SH2D4B: variants seen among roughly 807,000 people sequenced by gnomAD.
SH2D4B encodes SH2 domain-containing protein 4B.
In SH2D4B, 45 loss-of-function variants were observed where a neutral mutation model predicts 61.5. The ratio of observed to expected loss-of-function variants is 0.73; its 90% CI spans 0.58 to 0.94. The LOEUF (loss-of-function observed/expected upper bound fraction) is 0.94. SH2D4B is among the 40% of genes least tolerant of loss of function. SH2D4B has a pLI of 0.00. For missense variants in SH2D4B, 572 were observed against 574.2 expected, an observed-to-expected ratio of 1.00 and a Z score of 0.04; for synonymous variants, 224 against 220.4, an observed-to-expected ratio of 1.02 and a Z score of -0.14.
rs150910906 is a variant in SH2D4B at position 80,586,724 on chromosome 10, C to T, written c.496-1906C>T. On this transcript the variant is annotated intron_variant, in intron 3 of 7. Transcript: ENST00000646907. ...GCCCCGAGCCAGCAGTGGCAACGGG[C>T]TGGGATCCCCTTGCCGCTGTGGAAG... is the stretch of plus-strand genomic sequence containing the variant. Among the ~76,000 whole-genome samples, 304 of 152,306 alleles carry T rather than the reference C, an allele frequency of 2.0e-3. 2 individuals are homozygous for T. The highest frequency in any genetic ancestry group is 6.6e-3 in the African/African-American group (275 of 41,566).
At chr10:80,552,024 T>A (rs1445162560) in intron 1 of SH2D4B, among the ~76,000 whole-genome samples, 1 of 152,172 alleles carries the variant, frequency 6.6e-6, no homozygotes, top group Non-Finnish European at 1.5e-5. Flanking sequence ...TGGCCTCTTC[T>A]TATAAAGGCA....
At chr10:80,574,547 TCCACAGCCTGTGGTTGAGACA>T (rs376839178) in intron 3 of SH2D4B, among the ~76,000 whole-genome samples, 161 of 152,348 alleles carry the variant, frequency 1.1e-3, no homozygotes, top group African/African-American at 3.7e-3. Context: ...TATATTTGGA[TCCACAGCCTGTGGTTGAGACA>T]CTCAGTGAAC....
Position 80,626,126 on chromosome 10 carries a change from G to A in SH2D4B, c.989-8159G>A, listed in dbSNP as rs567053306. Among the ~76,000 whole-genome samples, 56 of 151,536 alleles carry A rather than the reference G, an allele frequency of 3.7e-4. 2 individuals carry two copies. The South Asian group carries it at 0.01, about 28-fold the overall frequency. ...AGTATCTGTGCTCATCATTTGTTCC[G>A]GTATCTCTGATTTTCTATCCAGGAT... On this transcript the variant is annotated intron_variant, in intron 6 of 7. Coordinates refer to ENST00000646907, the MANE Select transcript of SH2D4B (RefSeq NM_001388272.1).
At chr10:80,578,422 G>GGA (rs1334824614) in intron 3 of SH2D4B, among the ~76,000 whole-genome samples, 9 of 151,954 alleles carry the variant, frequency 5.9e-5, no homozygotes, top group Non-Finnish European at 1.3e-4. Context: ...GGGTGCCAGG[G>GGA]GAGAGAGAGA....
At chr10:80,618,862 A>C (rs1412698534) in intron 6 of SH2D4B, among the ~76,000 whole-genome samples, 1 of 152,154 alleles carries the variant, frequency 6.6e-6, no homozygotes, top group East Asian at 1.9e-4. Flanking sequence ...TAATAATTTC[A>C]GGGAACGGAA....
chr10:80,584,880 A>C lies in SH2D4B; in HGVS notation c.496-3750A>C, dbSNP rs530366636. ...ATCTAGATTGATAACTTGATAAATC[A>C]AGGATTAGCAGCATTAATCAGACAC... On this transcript the variant is annotated intron_variant, in intron 3 of 7. Coordinates refer to ENST00000646907, the MANE Select transcript of SH2D4B (RefSeq NM_001388272.1). Among the ~76,000 whole-genome samples, 3 of 152,362 alleles carry C rather than the reference A, an allele frequency of 2.0e-5. No individual in the cohort carries two copies. The South Asian group carries it at 6.2e-4, about 32-fold the overall frequency.
At chr10:80,588,026 C>T (rs1842280534) in intron 3 of SH2D4B, among the ~76,000 whole-genome samples, 1 of 152,162 alleles carries the variant, frequency 6.6e-6, no homozygotes, top group Non-Finnish European at 1.5e-5. Flanking sequence ...GCACGATCAC[C>T]ACCACTTTAT....
intron 6 of SH2D4B, among the ~76,000 whole-genome samples, chr10:80,631,032 G>A (rs919069206): frequency 6.6e-6 from 1 of 152,218 alleles, no homozygotes; most frequent in Non-Finnish European, 1.5e-5. Context: ...AAAATAACGT[G>A]TTGGCAAGTG....
At position 80,609,444 on chromosome 10, in the gene SH2D4B, T is replaced by G; in HGVS notation, c.881T>G (p.Leu294Arg). 6.2e-7 allele frequency: 1 copy of G among 1,614,056 alleles called. No individual in the cohort carries two copies. The highest frequency in any genetic ancestry group is 8.5e-7 in the Non-Finnish European group (1 of 1,179,958). ...LPVSRTWERP[L>R]RPVSRDVIVR... ...TTCAGCAGGACCTGGGAGCGCCCGC[T>G]GCGCCCAGTCTCCAGAGATGTCATC... Residue 294 changes from leucine to arginine, a missense_variant, in exon 6 of 8, where the codon CTG becomes CGG. Physicochemically the swap from Leu to Arg is moderately radical, Grantham distance 102. Coordinates refer to ENST00000646907, the MANE Select transcript of SH2D4B (RefSeq NM_001388272.1).
At chr10:80,559,985 CTT>C (rs144516423) in intron 1 of SH2D4B, among the ~76,000 whole-genome samples, 62 of 124,548 alleles carry the variant, frequency 5.0e-4, no homozygotes, top group African/African-American at 1.7e-3. Context: ...TAAAATACAC[CTT>C]TTTTTTTTTT....
chr10:80,590,207 T>A (rs1478180571), intron 4 of SH2D4B, among the ~76,000 whole-genome samples: 1 of 152,068 alleles, frequency 6.6e-6, no homozygotes, highest in Non-Finnish European at 1.5e-5. Context: ...GATTGGCCAG[T>A]GTAAATAACT....
At chr10:80,616,286 A>AT (rs1842659307) in intron 6 of SH2D4B, among the ~76,000 whole-genome samples, 1 of 152,180 alleles carries the variant, frequency 6.6e-6, no homozygotes, top group Admixed American at 6.5e-5. Flanking sequence ...TGGAATGGAA[A>AT]TTTTCTACCA....
At chr10:80,552,536 G>A (rs1193311282) in intron 1 of SH2D4B, among the ~76,000 whole-genome samples, 1 of 152,156 alleles carries the variant, frequency 6.6e-6, no homozygotes, top group African/African-American at 2.4e-5. Flanking sequence ...CCAGCCTGGA[G>A]GACAGCAGGG....
At chr10:80,635,280 T>A (rs1283538796) in intron 7 of SH2D4B, among the ~76,000 whole-genome samples, 1 of 152,164 alleles carries the variant, frequency 6.6e-6, no homozygotes, top group Non-Finnish European at 1.5e-5. Context: ...GCCGTTGGCA[T>A]CATTAGTAAC....
intron 5 of SH2D4B, among the ~76,000 whole-genome samples, chr10:80,605,719 A>G (rs1299132815): frequency 6.6e-6 from 1 of 152,090 alleles, no homozygotes; most frequent in Non-Finnish European, 1.5e-5. Context: ...GAGTTTCACC[A>G]TATTGGTCAG....
In SH2D4B at chr10:80,588,801, C is replaced by T. The variant is rs780169681; in HGVS notation, c.643+24C>T. Reference sequence around the variant, plus strand: ...GTGTGAGTAGAGCTTGTGCCTCAGGCAGGGAGACCAGTCCCGCCTCCCCAC... The same window carrying T: ...GTGTGAGTAGAGCTTGTGCCTCAGGTAGGGAGACCAGTCCCGCCTCCCCAC... On this transcript the variant is annotated intron_variant, in intron 4 of 7. Transcript: ENST00000646907. 29 of 1,612,534 alleles carry T rather than the reference C, an allele frequency of 1.8e-5. No individual in the cohort carries two copies. In the South Asian group the frequency reaches 3.2e-4, roughly 18 times the overall value.
At chr10:80,611,045 G>C (rs902731217) in intron 6 of SH2D4B, among the ~76,000 whole-genome samples, 1 of 151,928 alleles carries the variant, frequency 6.6e-6, no homozygotes, top group South Asian at 2.1e-4. Context: ...TGTGGTGGCA[G>C]GCCCCTGTCA....
chr10:80,596,875 G>A (rs1231799671), intron 4 of SH2D4B, among the ~76,000 whole-genome samples: 2 of 152,142 alleles, frequency 1.3e-5, no homozygotes, highest in Non-Finnish European at 2.9e-5. Flanking sequence ...TCTGCACCCA[G>A]TTAAGACTGA....
chr10:80,585,745 C>T (rs1383600780), intron 3 of SH2D4B, among the ~76,000 whole-genome samples: 2 of 152,212 alleles, frequency 1.3e-5, no homozygotes, highest in Non-Finnish European at 2.9e-5. Flanking sequence ...TCACTCTGGG[C>T]ACCTCCTCTG....
Sources: allele counts gnomAD v4.1 joint callset (sites outside exome capture counted in the v4.1 genomes callset), GRCh38; gene constraint gnomAD v4.1.1; transcripts MANE v1.5; gene names NCBI Gene and HGNC (gene_info 2026-07-23, HGNC 2026-07-21).